The following ST6GALNAC3 variants were observed in gnomAD, a reference collection of about 807,000 sequenced individuals.
ST6GALNAC3 encodes the protein ST6 N-acetylgalactosaminide alpha-2,6-sialyltransferase 3.
A neutral mutation model predicts 32.7 loss-of-function variants in ST6GALNAC3; 25 were observed. The observed-to-expected ratio is 0.76, with a 90% CI of 0.56 to 1.07. The LOEUF is 1.07. Ranked by LOEUF, ST6GALNAC3 falls within the 50% of genes least tolerant of loss-of-function variation. ST6GALNAC3 has a pLI of 0.00. For missense variants in ST6GALNAC3, 355 were observed against 382.4 expected (o/e 0.93, Z 0.60); for synonymous variants, 129 against 133.1 (o/e 0.97, Z 0.21).
intron 1 of ST6GALNAC3, among the ~76,000 whole-genome samples, chr1:76,307,712 TGACAATA>T (rs1285995799): frequency 2.0e-5 from 3 of 152,144 alleles, no homozygotes; most frequent in African/African-American, 7.2e-5. Context: ...CAAAAACATC[TGACAATA>T]GACTGGATTA....
chr1:76,456,931 C>A (rs1289552921), intron 3 of ST6GALNAC3, among the ~76,000 whole-genome samples: 1 of 152,172 alleles, frequency 6.6e-6, no homozygotes, highest in Non-Finnish European at 1.5e-5. Flanking sequence ...TTGCAGACAA[C>A]ATGACTGTAT....
At chr1:76,250,419 C>T (rs528709447) in intron 1 of ST6GALNAC3, among the ~76,000 whole-genome samples, 1 of 152,302 alleles carries the variant, frequency 6.6e-6, no homozygotes, top group East Asian at 1.9e-4. Flanking sequence ...TCTAGTCTGA[C>T]TTGTTAATGG....
At chr1:76,506,601 T>C (rs1661493211) in intron 3 of ST6GALNAC3, among the ~76,000 whole-genome samples, 1 of 152,258 alleles carries the variant, frequency 6.6e-6, no homozygotes, top group Admixed American at 6.5e-5. Flanking sequence ...TCTAGGAATA[T>C]ATCGACATGC....
chr1:76,103,482 AT>A (rs1171661354), intron 1 of ST6GALNAC3, among the ~76,000 whole-genome samples: 1 of 151,956 alleles, frequency 6.6e-6, no homozygotes, highest in Non-Finnish European at 1.5e-5. Context: ...TAAGTTATTA[AT>A]TTTAGTTAAT....
chr1:76,598,936 A>G (rs1460417747), intron 3 of ST6GALNAC3, among the ~76,000 whole-genome samples: 1 of 152,208 alleles, frequency 6.6e-6, no homozygotes, highest in Non-Finnish European at 1.5e-5. Flanking sequence ...CTGCATTTCT[A>G]TGCTTTTCAT....
At chr1:76,299,165 C>T (rs1225185056) in intron 1 of ST6GALNAC3, among the ~76,000 whole-genome samples, 3 of 151,996 alleles carry the variant, frequency 2.0e-5, no homozygotes, top group African/African-American at 4.8e-5. Context: ...TATGTGTTTT[C>T]GAAGTTTCAT....
chr1:76,141,048 G>A (rs61771335), intron 1 of ST6GALNAC3, among the ~76,000 whole-genome samples: 13,167 of 152,022 alleles, frequency 0.087, 760 homozygotes, highest in Non-Finnish European at 0.12. Flanking sequence ...TGGACGGAGG[G>A]CATTTTTTAG....
chr1:76,349,927 G>T (rs1474593943), intron 2 of ST6GALNAC3, among the ~76,000 whole-genome samples: 2 of 152,024 alleles, frequency 1.3e-5, no homozygotes, highest in African/African-American at 4.8e-5. Context: ...CTTTTTCATT[G>T]TCAAGGTTGC....
At chr1:76,484,874 T>G (rs969980062) in intron 3 of ST6GALNAC3, among the ~76,000 whole-genome samples, 7 of 152,210 alleles carry the variant, frequency 4.6e-5, no homozygotes, top group Non-Finnish European at 7.3e-5. Flanking sequence ...TAAATAGCTC[T>G]TATTATTTTG....
chr1:76,267,890 A>G (rs1658622640), intron 1 of ST6GALNAC3, among the ~76,000 whole-genome samples: 2 of 152,240 alleles, frequency 1.3e-5, no homozygotes, highest in South Asian at 4.1e-4. Context: ...TCAAGAAAAA[A>G]GACTGCAACT....
intron 3 of ST6GALNAC3, among the ~76,000 whole-genome samples, chr1:76,541,103 T>C (rs575865930): frequency 2.2e-4 from 34 of 152,224 alleles, no homozygotes; most frequent in Admixed American, 1.3e-3. Context: ...AAAAATAGCA[T>C]AGTATATTCT....
intron 3 of ST6GALNAC3, among the ~76,000 whole-genome samples, chr1:76,582,509 A>G (rs1458247076): frequency 6.6e-6 from 1 of 152,142 alleles, no homozygotes; most frequent in Non-Finnish European, 1.5e-5. Flanking sequence ...GTACATAGAT[A>G]TCTCTATAGA....
chr1:76,596,407 A>T (rs538566676), intron 3 of ST6GALNAC3, among the ~76,000 whole-genome samples: 4 of 152,314 alleles, frequency 2.6e-5, no homozygotes, highest in African/African-American at 9.6e-5. Context: ...GTAGTTGCTC[A>T]ATAGGTATCC....
intron 3 of ST6GALNAC3, among the ~76,000 whole-genome samples, chr1:76,591,897 A>G (rs980477934): frequency 2.0e-5 from 3 of 152,200 alleles, no homozygotes; most frequent in African/African-American, 7.2e-5. Context: ...GTCATACCTC[A>G]ATAATAAATA....
At chr1:76,549,710 A>G (rs1338629783) in intron 3 of ST6GALNAC3, among the ~76,000 whole-genome samples, 1 of 152,184 alleles carries the variant, frequency 6.6e-6, no homozygotes, top group Non-Finnish European at 1.5e-5. Flanking sequence ...ATATATACCT[A>G]GAAGTAAATT....
At chr1:76,553,982 G>C (rs899925169) in intron 3 of ST6GALNAC3, among the ~76,000 whole-genome samples, 2 of 152,110 alleles carry the variant, frequency 1.3e-5, no homozygotes, top group Non-Finnish European at 2.9e-5. Context: ...GTTCTGATTG[G>C]CTGGCTTTTT....
downstream of ST6GALNAC3, among the ~76,000 whole-genome samples, chr1:76,636,392 A>G (rs530985315): frequency 6.6e-6 from 1 of 151,972 alleles, no homozygotes; most frequent in African/African-American, 2.4e-5. Context: ...CTTTTTTTTC[A>G]GCTCTCCTTT....
In ST6GALNAC3 at chr1:76,395,877, A is replaced by G. The variant is rs377014845; in HGVS notation, c.214-16131A>G. On this transcript the variant is annotated intron_variant, in intron 2 of 4. Transcript: ENST00000328299. ...TAATGGGTACAAATACACCATTAGA[A>G]GGAATAAGTTCTAATGTTTGATAGC... 7.9e-5 allele frequency among the ~76,000 whole-genome samples: 12 copies of G among 152,290 alleles called. 1 individual carries two copies. In the South Asian group the frequency reaches 1.7e-3, roughly 21 times the overall value.
intron 3 of ST6GALNAC3, among the ~76,000 whole-genome samples, chr1:76,473,525 T>C (rs183541865): frequency 6.6e-6 from 1 of 152,328 alleles, no homozygotes; most frequent in Admixed American, 6.5e-5. Context: ...TTCTGTTTCC[T>C]ATACATTTGC....
Sources: allele counts gnomAD v4.1 joint callset (sites outside exome capture counted in the v4.1 genomes callset), GRCh38; gene constraint gnomAD v4.1.1; transcripts MANE v1.5; gene names NCBI Gene and HGNC (gene_info 2026-07-23, HGNC 2026-07-21).